Variants in BRD4 observed in about 807,000 individuals in gnomAD.
BRD4 encodes bromodomain containing 4.
A neutral mutation model predicts 142.1 loss-of-function variants in BRD4; 16 were observed. That is an observed-to-expected ratio of 0.11 (90% CI 0.08 to 0.17). The LOEUF (loss-of-function observed/expected upper bound fraction) is 0.17, where lower values mean the gene tolerates loss of function less well. BRD4 is among the 10% of genes least tolerant of loss of function. The probability of loss-of-function intolerance (pLI) is 1.00; values close to 1 mark genes in which losing one functional copy is unlikely to be tolerated. For missense variants in BRD4, 1,424 were observed against 1,810.9 expected (o/e 0.79, Z 3.88); for synonymous variants, 833 against 707.5 (o/e 1.18, Z -2.82).
At chr19:15,248,313 C>T (rs181796939) in intron 11 of BRD4, 17 of 216,316 alleles carry the variant, frequency 7.9e-5, no homozygotes, top group South Asian at 1.9e-4. Context: ...GGACTGAAGA[C>T]GGGGAAAATG....
intron 5 of BRD4, among the ~76,000 whole-genome samples, chr19:15,265,050 G>A (rs1408081908): frequency 6.6e-6 from 1 of 152,214 alleles, no homozygotes; most frequent in East Asian, 1.9e-4. Context: ...TAACACCAGG[G>A]CCTCTCCCCA....
chr19:15,255,958 C>T, intron 9 of BRD4, 106 bp downstream of exon 9: 9 of 1,439,216 alleles, frequency 6.3e-6, no homozygotes, highest in South Asian at 1.3e-5. Context: ...TGCAGAGGGG[C>T]AGCCTCCGCA....
chr19:15,292,725 C>G (rs1351578964), intron 1 of BRD4, among the ~76,000 whole-genome samples: 1 of 125,338 alleles, frequency 8.0e-6, no homozygotes, highest in Non-Finnish European at 1.6e-5. Context: ...TTGCAGTGAG[C>G]TGAGATGGTG....
At chr19:15,264,872 A>C in intron 5 of BRD4, 106 bp from the exon 6 acceptor site, 5 of 1,487,418 alleles carry the variant, frequency 3.4e-6, no homozygotes, top group Non-Finnish European at 4.5e-6. Context: ...CCCATCGCTC[A>C]CACAGAATGG....
At position 15,239,705 on chromosome 19, in the gene BRD4, G is replaced by T; in HGVS notation, c.3399C>A (p.Pro1133=). ...EPFSPSLRPE[P]PKHPESIKAP... ...CCTTGATGCTCTCCGGGTGCTTGGG[G>T]GGCTCCGGCCGCAGCGAGGGGCTGA... is the stretch of plus-strand genomic sequence containing the variant. Residue 1133 remains proline (P), a synonymous_variant, in exon 16 of 20, where the codon CCC becomes CCA. Coordinates refer to ENST00000679869, the MANE Select transcript of BRD4 (RefSeq NM_001379291.1). The surrounding 1 kb of genome is among the most constrained non-coding windows in gnomAD (Gnocchi z 7.4). 6.3e-7 allele frequency: 1 copy of T among 1,596,102 alleles called. No homozygotes were observed. Among genetic ancestry groups the T allele is most frequent in the Non-Finnish European group, 8.5e-7 (1 of 1,178,090 alleles).
chr19:15,252,889 AC>A (rs2047362738), intron 11 of BRD4: 1 of 178,436 alleles, frequency 5.6e-6, no homozygotes, highest in Non-Finnish European at 1.2e-5. Flanking sequence ...ACCTACCCCC[AC>A]CCCATCTGTG....
At position 15,267,448 on chromosome 19, in the gene BRD4, G is replaced by T; in HGVS notation, c.527C>A (p.Ala176Glu). The T allele has an allele frequency of 1.2e-6, 2 of 1,614,106 alleles. No homozygotes were observed. Among genetic ancestry groups the T allele is most frequent in the Non-Finnish European group, 1.7e-6 (2 of 1,180,010 alleles). Residue 176 changes from alanine (A) to glutamate (E), a missense_variant, in exon 4 of 20, where the codon GCA becomes GAA. Physicochemically the swap from Ala to Glu is moderately radical, Grantham distance 107 (BLOSUM62 -1). Coordinates refer to ENST00000679869, the MANE Select transcript of BRD4 (RefSeq NM_001379291.1). ...TTTCCTCCCACGTCCTCTTCCTTTTGCCTGGACTATCATGATCTCGGTTTC... is the reference window on the plus strand; with the variant it reads ...TTTCCTCCCACGTCCTCTTCCTTTTTCCTGGACTATCATGATCTCGGTTTC... Reference protein sequence around the residue: ...TEETEIMIVQAKGRGRGRKET... With the variant: ...TEETEIMIVQEKGRGRGRKET...
intron 3 of BRD4, among the ~76,000 whole-genome samples, chr19:15,267,967 T>C (rs779045372): frequency 2.0e-5 from 3 of 152,154 alleles, no homozygotes; most frequent in Admixed American, 6.5e-5. Context: ...CGTACCCCCA[T>C]GGCAGCTCAC....
intron 1 of BRD4, among the ~76,000 whole-genome samples, chr19:15,313,660 A>G (rs987015029): frequency 2.0e-5 from 3 of 152,146 alleles, no homozygotes; most frequent in Non-Finnish European, 4.4e-5. Flanking sequence ...GGGCAACAAG[A>G]GCAAAACTCC....
chr19:15,268,048 T>C (rs1435837809), intron 3 of BRD4: 1 of 154,108 alleles, frequency 6.5e-6, no homozygotes, highest in African/African-American at 2.4e-5. Context: ...TATAACATGC[T>C]GTTCCCACTC....
At chr19:15,289,377 C>T (rs1316973136) in intron 1 of BRD4, among the ~76,000 whole-genome samples, 2 of 152,120 alleles carry the variant, frequency 1.3e-5, no homozygotes, top group Non-Finnish European at 2.9e-5. Context: ...CATGGAGAAA[C>T]CCCGTCTCTA....
chr19:15,241,361 GA>G (rs1350616501), intron 14 of BRD4, among the ~76,000 whole-genome samples: 2 of 152,230 alleles, frequency 1.3e-5, no homozygotes, highest in African/African-American at 4.8e-5. Context: ...GTGGTTTATA[GA>G]AACCACCTGC....
intron 1 of BRD4, among the ~76,000 whole-genome samples, chr19:15,300,211 T>C (rs1356441180): frequency 6.6e-6 from 1 of 152,092 alleles, no homozygotes; most frequent in African/African-American, 2.4e-5. Context: ...CCACTGCAAC[T>C]GCTGCCTGGG....
chr19:15,249,061 TG>T, intron 11 of BRD4: 1 of 658,868 alleles, frequency 1.5e-6, no homozygotes, highest in Non-Finnish European at 2.6e-6. Flanking sequence ...CAGAGAGGCC[TG>T]GGCGGCTGGC....
intron 1 of BRD4, among the ~76,000 whole-genome samples, chr19:15,294,985 A>G (rs187305805): frequency 9.9e-4 from 151 of 152,360 alleles, no homozygotes; most frequent in African/African-American, 3.4e-3. Flanking sequence ...TTTTCCGTCT[A>G]AACACTCAAC....
chr19:15,254,369 T>C (rs542121139), intron 10 of BRD4, 107 bp from the exon 11 acceptor site: 53 of 957,378 alleles, frequency 5.5e-5, no homozygotes, highest in East Asian at 1.7e-4. Flanking sequence ...GTGAGGAGCC[T>C]GTGCACGGTG....
intron 1 of BRD4, among the ~76,000 whole-genome samples, chr19:15,299,769 T>A (rs1599501822): frequency 6.6e-6 from 1 of 152,134 alleles, no homozygotes; most frequent in South Asian, 2.1e-4. Context: ...CTCAGGAGAG[T>A]GGGGCTCAAC....
intron 1 of BRD4, among the ~76,000 whole-genome samples, chr19:15,327,788 T>C (rs894696176): frequency 6.6e-5 from 10 of 151,462 alleles, no homozygotes; most frequent in Non-Finnish European, 7.4e-5. Flanking sequence ...AAAGGTTACA[T>C]ATTGTAGGAT....
chr19:15,273,320 AC>A (rs1432798044), intron 1 of BRD4, among the ~76,000 whole-genome samples, 187 bp from the exon 2 acceptor site: 2 of 152,132 alleles, frequency 1.3e-5, no homozygotes, highest in Admixed American at 6.5e-5. Context: ...CCAAAGACTT[AC>A]CCTCCAGCAG....
Sources: gnomAD v4.1 joint callset for allele counts (sites outside exome capture counted in the v4.1 genomes callset) on GRCh38, gnomAD v4.1.1 for gene constraint, Gnocchi (gnomAD v3.1) non-coding constraint, MANE v1.5 for transcripts, NCBI Gene and HGNC (gene_info 2026-07-23, HGNC 2026-07-21) for gene names.